B3GALT1: variants seen among roughly 807,000 people sequenced by gnomAD.
B3GALT1 encodes UDP-Gal:betaGlcNAc beta 1,3-galactosyltransferase, polypeptide 1.
B3GALT1 carries 10 observed loss-of-function variants against 23.2 expected under a neutral mutation model. That is an observed-to-expected ratio of 0.43 (90% confidence interval 0.27 to 0.73). The LOEUF (loss-of-function observed/expected upper bound fraction) is 0.73. B3GALT1 is among the 30% of genes least tolerant of loss of function. The pLI is 0.21. For missense variants in B3GALT1, 299 were observed against 405.4 expected (o/e 0.74, Z 2.25); for synonymous variants, 156 against 141.5 (o/e 1.10, Z -0.73).
At chr2:167,800,326 ATTAT>A (rs936033387) in intron 3 of B3GALT1, among the ~76,000 whole-genome samples, 15 of 152,144 alleles carry the variant, frequency 9.9e-5, no homozygotes, top group African/African-American at 3.4e-4. Context: ...GAACCCCAAG[ATTAT>A]TTATCCCCAC....
chr2:167,297,137 T>C (rs1241444501), intron 1 of B3GALT1, among the ~76,000 whole-genome samples: 4 of 152,116 alleles, frequency 2.6e-5, no homozygotes, highest in Non-Finnish European at 5.9e-5. Context: ...CTTTAAAATA[T>C]CTTTAAAATC....
At chr2:167,539,259 TA>T (rs554247615) in intron 2 of B3GALT1, among the ~76,000 whole-genome samples, 53 of 148,148 alleles carry the variant, frequency 3.6e-4, no homozygotes, top group Middle Eastern at 3.5e-3. Context: ...TTTTTCTATT[TA>T]AAAAAAAAAA....
chr2:167,852,287 G>T (rs946674042), intron 4 of B3GALT1, among the ~76,000 whole-genome samples: 3 of 152,040 alleles, frequency 2.0e-5, no homozygotes, highest in Admixed American at 2.0e-4. Flanking sequence ...GCTCTTACTG[G>T]ATAAGACGGA....
chr2:167,424,256 T>G (rs1294580781), intron 1 of B3GALT1, among the ~76,000 whole-genome samples: 1 of 152,126 alleles, frequency 6.6e-6, no homozygotes, highest in Non-Finnish European at 1.5e-5. Context: ...AATGTCTTCC[T>G]AAGAAAAGAA....
At chr2:167,548,687 T>TGTGTGTGTGTGTGTGA (rs1417957739) in intron 2 of B3GALT1, among the ~76,000 whole-genome samples, 17 of 123,868 alleles carry the variant, frequency 1.4e-4, no homozygotes, top group African/African-American at 7.3e-4. Flanking sequence ...TGTGTGTGAG[T>TGTGTGTGTGTGTGTGA]GTGTGTGTGT....
At chr2:167,776,108 T>C (rs1688158309) in intron 3 of B3GALT1, among the ~76,000 whole-genome samples, 1 of 149,562 alleles carries the variant, frequency 6.7e-6, no homozygotes. Flanking sequence ...TTCTCCCACT[T>C]TCACAGAGAC....
intron 4 of B3GALT1, among the ~76,000 whole-genome samples, chr2:167,862,492 A>G (rs1322550514): frequency 6.6e-6 from 1 of 152,168 alleles, no homozygotes; most frequent in Non-Finnish European, 1.5e-5. Flanking sequence ...AGTCTTCCTT[A>G]CTCAGCCTAC....
chr2:167,566,890 A>G (rs985575809), intron 2 of B3GALT1, among the ~76,000 whole-genome samples: 1 of 152,184 alleles, frequency 6.6e-6, no homozygotes, highest in Non-Finnish European at 1.5e-5. Context: ...ATGTTCTTCA[A>G]CAGCAATTTT....
chr2:167,813,817 T>C (rs1437791872), intron 3 of B3GALT1, among the ~76,000 whole-genome samples: 1 of 152,216 alleles, frequency 6.6e-6, no homozygotes, highest in African/African-American at 2.4e-5. Flanking sequence ...TTAAAGATAA[T>C]AGTATTTGCA....
At chr2:167,690,506 C>CTAT (rs1686694430) in intron 3 of B3GALT1, among the ~76,000 whole-genome samples, 1 of 151,970 alleles carries the variant, frequency 6.6e-6, no homozygotes, top group Non-Finnish European at 1.5e-5. Context: ...TGCAGATTTT[C>CTAT]TATTACAAGA....
chr2:167,425,869 A>C (rs971105980), intron 1 of B3GALT1, among the ~76,000 whole-genome samples: 8 of 152,230 alleles, frequency 5.3e-5, no homozygotes, highest in African/African-American at 1.2e-4. Flanking sequence ...AATTTAAATG[A>C]AATCAAAATT....
intron 3 of B3GALT1, among the ~76,000 whole-genome samples, chr2:167,755,356 G>T (rs909807644): frequency 1.3e-5 from 2 of 151,656 alleles, no homozygotes; most frequent in East Asian, 1.9e-4. Context: ...ACTAGAACAC[G>T]ATTGGTTGAT....
chr2:167,667,085 G>T (rs1352667751), intron 3 of B3GALT1, among the ~76,000 whole-genome samples: 1 of 151,970 alleles, frequency 6.6e-6, no homozygotes, highest in African/African-American at 2.4e-5. Context: ...GCAGCGGCTG[G>T]TACTGGTTGT....
intron 1 of B3GALT1, among the ~76,000 whole-genome samples, chr2:167,357,600 A>G (rs1049824787): frequency 8.5e-5 from 13 of 152,140 alleles, no homozygotes; most frequent in East Asian, 5.8e-4. Flanking sequence ...CAAAAAGCCA[A>G]TCTATTCTGT....
chr2:167,344,185 A>G (rs1697192136), intron 1 of B3GALT1, among the ~76,000 whole-genome samples: 1 of 152,170 alleles, frequency 6.6e-6, no homozygotes, highest in Non-Finnish European at 1.5e-5. Flanking sequence ...AAATAAAACA[A>G]ATAAGGATTT....
At chr2:167,807,826 T>C (rs540819658) in intron 3 of B3GALT1, among the ~76,000 whole-genome samples, 1 of 152,354 alleles carries the variant, frequency 6.6e-6, no homozygotes, top group South Asian at 2.1e-4. Flanking sequence ...AGATATCTAT[T>C]AGGTCTGCTT....
chr2:167,791,311 C>T (rs746404131), intron 3 of B3GALT1, among the ~76,000 whole-genome samples: 1 of 152,020 alleles, frequency 6.6e-6, no homozygotes, highest in South Asian at 2.1e-4. Context: ...AAACTACTTT[C>T]GCAGTTTTTA....
intron 3 of B3GALT1, among the ~76,000 whole-genome samples, chr2:167,679,758 A>G (rs1190243003): frequency 6.6e-6 from 1 of 152,224 alleles, no homozygotes; most frequent in Admixed American, 6.5e-5. Flanking sequence ...GAATTTTAAT[A>G]GTCTCTACCT....
intron 3 of B3GALT1, among the ~76,000 whole-genome samples, chr2:167,774,276 G>A (rs1688120500): frequency 6.6e-6 from 1 of 151,990 alleles, no homozygotes; most frequent in African/African-American, 2.4e-5. Context: ...GTATTTAAGA[G>A]TCAAAGTCCC....
Sources: gnomAD v4.1 joint callset for allele counts (sites outside exome capture counted in the v4.1 genomes callset) on GRCh38, gnomAD v4.1.1 for gene constraint, MANE v1.5 for transcripts, NCBI Gene and HGNC (gene_info 2026-07-23, HGNC 2026-07-21) for gene names.